PHF19: variants seen among roughly 807,000 people sequenced by gnomAD.
PHF19 encodes the protein PHD finger protein 19, also known as polycomb like 3.
PHF19 carries 21 observed loss-of-function variants against 79.8 expected under a neutral mutation model. The observed-to-expected ratio is 0.26, with a 90% CI of 0.19 to 0.38. The LOEUF is 0.38. Among genes scored for constraint, PHF19 ranks in the 10% least tolerant of loss-of-function variants. PHF19 has a pLI of 1.00. For missense variants in PHF19, 445 were observed against 744.2 expected (o/e 0.60, Z 4.68); for synonymous variants, 273 against 296.3 (o/e 0.92, Z 0.81).
At chr9:120,872,992 C>T (rs1375604205) in intron 3 of PHF19, among the ~76,000 whole-genome samples, 1 of 152,196 alleles carries the variant, frequency 6.6e-6, no homozygotes, top group Non-Finnish European at 1.5e-5. Flanking sequence ...CATGGATTAG[C>T]TTACCTAAGC....
Position 120,867,026 on chromosome 9 carries a change from G to A in PHF19, c.615-61C>T, listed in dbSNP as rs140297087. The A allele has an allele frequency of 5.0e-4, 482 of 966,860 alleles. No individual in the cohort carries two copies. In the African/African-American group the frequency reaches 6.3e-3, roughly 13 times the overall value. 59.9% of individuals were successfully genotyped at this position (966,860 alleles called of 1,614,324 possible). A position where few individuals can be genotyped will look rare whatever the true frequency, so the allele number is the denominator to read the frequency against. On this transcript the variant is annotated intron_variant, in intron 6 of 14. Transcript: ENST00000373896. The stretch of plus-strand genomic sequence containing the variant: ...ACACCCCCAGTCAGGTATGAGCTTC[G>A]GCAACCTTTCCCAAGTTAAATTTGC...
rs746774449 is a variant in PHF19, at chr9:120,866,305, C to T, written c.711-209G>A. ...TAACCCATGCCCTCAATCTCCTTCC[C>T]AAATCTTGCCCTGAAGCGTGGCTGA... On this transcript the variant is annotated intron_variant, in intron 7 of 14. Coordinates refer to ENST00000373896, the MANE Select transcript of PHF19 (RefSeq NM_015651.3). This position sits in a 1 kb window ranked among gnomAD's most constrained non-coding sequence, Gnocchi z 5.2. Among the ~76,000 whole-genome samples, 8 of 152,022 alleles carry T rather than the reference C, an allele frequency of 5.3e-5. No homozygotes were observed. Among genetic ancestry groups the T allele is most frequent in the Non-Finnish European group, 7.4e-5 (5 of 68,024 alleles).
In PHF19 at chr9:120,856,824, G is replaced by C. The variant is rs537200239; in HGVS notation, c.*1120C>G. The C allele has an allele frequency of 6.5e-6, 1 of 152,866 alleles. No homozygotes were observed. The highest frequency in any genetic ancestry group is 2.1e-4 in the South Asian group (1 of 4,826). The allele number at this position is 152,866 out of a possible 1,614,324, so 9.5% of individuals were successfully genotyped here. A position where few individuals can be genotyped will look rare whatever the true frequency, so the allele number is the denominator to read the frequency against. Reference sequence around the variant, plus strand: ...TGGGACCAATGCTGGTTGATGGGCTGAAAGAAGGAGCGGCCACTGAGCTTT... The same window carrying C: ...TGGGACCAATGCTGGTTGATGGGCTCAAAGAAGGAGCGGCCACTGAGCTTT... On this transcript the variant is annotated 3_prime_UTR_variant, in exon 15 of 15. Transcript: ENST00000373896.
chr9:120,863,081 A>G (rs1489696912), intron 10 of PHF19: 4 of 295,066 alleles, frequency 1.4e-5, no homozygotes, highest in African/African-American at 4.3e-5. Flanking sequence ...TGGTCAAGAT[A>G]CTGGAATCTA....
intron 3 of PHF19, among the ~76,000 whole-genome samples, chr9:120,871,830 G>A (rs1186515320): frequency 2.0e-5 from 3 of 151,914 alleles, no homozygotes; most frequent in Admixed American, 6.6e-5. Flanking sequence ...ACAAGGTCAC[G>A]AGTTCGAGAC....
rs376463636 is a variant in PHF19, at chr9:120,862,621, G to C, written c.1097C>G (p.Ser366Cys). 137 of 1,613,970 alleles carry C rather than the reference G, an allele frequency of 8.5e-5. No homozygotes were observed. The highest frequency in any genetic ancestry group is 1.1e-4 in the Non-Finnish European group (132 of 1,180,006). ...GLLPNENSAS[S>C]ELRKRGKSKP... ...GCTCTTTCCTCTCTTACGCAGCTCA[G>C]AGGAGGCGCTGTTCTCATTTGGCAG... The change falls in exon 11 of 15, where the codon TCT (serine) becomes TGT (cysteine). Residue 366 changes from serine (S) to cysteine (C), a missense_variant. This residue lies in a region of PHF19 where 83 missense variants were observed against 85.5 expected (regional missense o/e 0.97). Coordinates refer to ENST00000373896, the MANE Select transcript of PHF19 (RefSeq NM_015651.3). This position sits in a 1 kb window ranked among gnomAD's most constrained non-coding sequence, Gnocchi z 4.6.
rs116383982 is a variant in PHF19, at chr9:120,862,692, G to A, written c.1026C>T (p.Arg342=). ...GCTTCCCTGGCGGGTTGGGTGGGAC[G>A]CGGATGCGCAGGCGGAAGATGCACT... ...KKKCIFRLRI[R]VPPNPPGKLL... is the part of the protein sequence containing the mutation. The change falls in exon 11 of 15, where the codon CGC becomes CGT. Residue 342 remains arginine (R), a synonymous_variant. Transcript: ENST00000373896. The surrounding 1 kb of genome is among the most constrained non-coding windows in gnomAD (Gnocchi z 4.6). 1,262 of 1,614,190 alleles carry A rather than the reference G, an allele frequency of 7.8e-4. 12 individuals carry two copies. The African/African-American group carries it at 0.013, about 16-fold the overall frequency.
rs531916866 is a variant in PHF19, at chr9:120,885,420, G to A, written c.42+9368C>T. Among the ~76,000 whole-genome samples the A allele has an allele frequency of 1.9e-3, 284 of 152,034 alleles. 3 individuals carry two copies. Among genetic ancestry groups the A allele is most frequent in the Non-Finnish European group, 9.4e-4 (64 of 67,980 alleles). ...TGGTGAAACCTCGTCTCTACTAAAA[G>A]TACAAAAATGAGCTGGGCATGGTGA... On this transcript the variant is annotated intron_variant, in intron 1 of 14. Coordinates refer to the PHF19 transcript ENST00000616568.
At chr9:120,895,097 G>A (rs115057551), upstream of PHF19, among the ~76,000 whole-genome samples, 2,053 of 152,292 alleles carry the variant, frequency 0.013, 58 homozygotes, top group African/African-American at 0.046. Context: ...AGCTGGTGAT[G>A]TGACTTGCCC....
Position 120,874,337 on chromosome 9 carries a change from C to T in PHF19, c.186+219G>A, listed in dbSNP as rs996870381. 6.6e-6 allele frequency among the ~76,000 whole-genome samples: 1 copy of T among 152,146 alleles called. No homozygotes were observed. Among genetic ancestry groups the T allele is most frequent in the Admixed American group, 6.5e-5 (1 of 15,276 alleles). On this transcript the variant is annotated intron_variant, in intron 2 of 14. Transcript: ENST00000373896. The surrounding 1 kb of genome is among the most constrained non-coding windows in gnomAD (Gnocchi z 4.5). ...AAACCTGACTTTTTTGTTTTGTAGG[C>T]TCTCAGAGCACTTTTCTAAAGAACT...
At chr9:120,882,842 C>A (rs1021375854) in intron 1 of PHF19, among the ~76,000 whole-genome samples, 839 of 109,112 alleles carry the variant, frequency 7.7e-3, no homozygotes, top group Non-Finnish European at 8.2e-3. Flanking sequence ...AACTCCATCT[C>A]AAAAAAAAAA....
chr9:120,877,446 C>G (rs924841497), upstream of PHF19: 3 of 742,824 alleles, frequency 4.0e-6, no homozygotes, highest in Non-Finnish European at 4.9e-6. Flanking sequence ...CGCCCGCCCC[C>G]GCCCGCCCCG....
chr9:120,869,539 G>C lies in PHF19; in HGVS notation c.466-209C>G. Reference sequence around the variant, plus strand: ...AACTCCGTTGATAACAGAATTAAGAGTAATAAGCGCAATAAAGGCAACAAT... The same window carrying C: ...AACTCCGTTGATAACAGAATTAAGACTAATAAGCGCAATAAAGGCAACAAT... On this transcript the variant is annotated intron_variant, in intron 5 of 14. Transcript: ENST00000373896. The surrounding 1 kb of genome is among the most constrained non-coding windows in gnomAD (Gnocchi z 5.8). 7.0e-7 allele frequency: 1 copy of C among 1,420,510 alleles called. No homozygotes were observed. The highest frequency in any genetic ancestry group is 9.3e-7 in the Non-Finnish European group (1 of 1,079,662). 88.0% of individuals were successfully genotyped at this position (1,420,510 alleles called of 1,614,324 possible). A position where few individuals can be genotyped will look rare whatever the true frequency, so the allele number is the denominator to read the frequency against.
At position 120,860,429 on chromosome 9, in the gene PHF19, G is replaced by A. The variant is rs2045487348; in HGVS notation, c.1305-244C>T. The stretch of plus-strand genomic sequence containing the variant: ...ACGTAAGCACTGGTGTCAATAACTC[G>A]AGCGTGATCCAAGGCACCTGTGCAA... On this transcript the variant is annotated intron_variant, in intron 13 of 14. Transcript: ENST00000373896. The surrounding 1 kb of genome is among the most constrained non-coding windows in gnomAD (Gnocchi z 4.1). 6.1e-6 allele frequency: 3 copies of A among 491,134 alleles called. No homozygotes were observed. The highest frequency in any genetic ancestry group is 3.8e-5 in the East Asian group (1 of 26,540). The allele number at this position is 491,134 out of a possible 1,614,324, so 30.4% of individuals were successfully genotyped here.
chr9:120,867,790 G>C (rs1260484364), intron 6 of PHF19, among the ~76,000 whole-genome samples: 1 of 152,180 alleles, frequency 6.6e-6, no homozygotes, highest in Non-Finnish European at 1.5e-5. Flanking sequence ...CTGGAGCTTG[G>C]GGCTGAGATT....
intron 14 of PHF19, 136 bp downstream of exon 14, chr9:120,859,954 T>C: frequency 3.2e-6 from 2 of 631,440 alleles, no homozygotes; most frequent in Non-Finnish European, 5.9e-6. Flanking sequence ...GACTCACAAT[T>C]GCAGAAGGCC....
At chr9:120,880,687 C>A (rs1008220731), upstream of PHF19, among the ~76,000 whole-genome samples, 1 of 152,298 alleles carries the variant, frequency 6.6e-6, no homozygotes, top group African/African-American at 2.4e-5. Flanking sequence ...TTCAGCTGGG[C>A]CCGTGGCTCA....
At chr9:120,881,889 G>C (rs1414113959), upstream of PHF19, among the ~76,000 whole-genome samples, 2 of 152,202 alleles carry the variant, frequency 1.3e-5, no homozygotes, top group Non-Finnish European at 2.9e-5. Context: ...AGCCTCCTGG[G>C]TAGCCGGGGT....
At chr9:120,858,591 G>A (rs1053524761) in intron 14 of PHF19, among the ~76,000 whole-genome samples, 5 of 152,082 alleles carry the variant, frequency 3.3e-5, no homozygotes, top group African/African-American at 4.8e-5. Flanking sequence ...ACGTAAGAAC[G>A]TCCAACTCCA....
Sources: allele counts gnomAD v4.1 joint callset (sites outside exome capture counted in the v4.1 genomes callset), GRCh38; gene constraint gnomAD v4.1.1; regional missense constraint gnomAD v4.1.1; non-coding constraint Gnocchi (gnomAD v3.1); transcripts MANE v1.5; gene names NCBI Gene and HGNC (gene_info 2026-07-23, HGNC 2026-07-21).